KCNIP1: variants seen among roughly 807,000 people sequenced by gnomAD.
KCNIP1 encodes A-type potassium channel modulatory protein KCNIP1.
In KCNIP1, 18 loss-of-function variants were observed where a neutral mutation model predicts 33.0. That is an observed-to-expected ratio of 0.55 (90% CI 0.38 to 0.81). KCNIP1 has a LOEUF of 0.81. Ranked by LOEUF, KCNIP1 falls within the 30% of genes least tolerant of loss-of-function variation. The pLI is 0.00. For missense variants in KCNIP1, 238 were observed against 271.6 expected (o/e 0.88, Z 0.87); for synonymous variants, 93 against 98.3 (o/e 0.95, Z 0.32).
At chr5:170,545,422 T>C (rs1217114100) in intron 1 of KCNIP1, among the ~76,000 whole-genome samples, 1 of 152,226 alleles carries the variant, frequency 6.6e-6, no homozygotes, top group Non-Finnish European at 1.5e-5. Flanking sequence ...TCTCATCAAT[T>C]TTCGGAAACT....
chr5:170,465,476 C>T (rs533888057), intron 1 of KCNIP1, among the ~76,000 whole-genome samples: 20 of 152,248 alleles, frequency 1.3e-4, no homozygotes, highest in Middle Eastern at 3.4e-3. Flanking sequence ...CACTGGCCTC[C>T]GAAGCATTTG....
At chr5:170,652,524 A>G (rs940255817) in intron 1 of KCNIP1, among the ~76,000 whole-genome samples, 5 of 129,778 alleles carry the variant, frequency 3.9e-5, no homozygotes, top group Admixed American at 8.1e-5. Context: ...GAAGGAGAAA[A>G]GAAAAAAGAA....
chr5:170,430,299 C>T (rs1361465377), intron 1 of KCNIP1, among the ~76,000 whole-genome samples: 2 of 152,204 alleles, frequency 1.3e-5, no homozygotes, highest in African/African-American at 2.4e-5. Flanking sequence ...CATTTATGGT[C>T]GGGGCCACAT....
chr5:170,722,224 G>T (rs575490647), intron 4 of KCNIP1, among the ~76,000 whole-genome samples: 1 of 152,044 alleles, frequency 6.6e-6, no homozygotes, highest in Non-Finnish European at 1.5e-5. Flanking sequence ...AACCCTATAG[G>T]GTAGGGTTTT....
chr5:170,735,727 G>C lies in KCNIP1; in HGVS notation c.604-32G>C, dbSNP rs766744346. 2.5e-6 allele frequency: 4 copies of C among 1,605,174 alleles called. No individual in the cohort carries two copies. In the East Asian group the frequency reaches 6.7e-5, roughly 27 times the overall value. ...AGAGCTCTCAGGGAGGAGACTCAGAGTTCTAACCCTCTTGCCCTCCTTTTT... is the reference window on the plus strand; with the variant it reads ...AGAGCTCTCAGGGAGGAGACTCAGACTTCTAACCCTCTTGCCCTCCTTTTT... On this transcript the variant is annotated intron_variant, in intron 7 of 7. Transcript: ENST00000328939.
intron 1 of KCNIP1, among the ~76,000 whole-genome samples, chr5:170,640,258 C>T (rs573867295): frequency 2.0e-5 from 3 of 152,170 alleles, no homozygotes; most frequent in Non-Finnish European, 1.5e-5. Context: ...GGTCCCGTGG[C>T]TAGGAAGTGG....
At chr5:170,640,651 TAAG>T (rs1390421785) in intron 1 of KCNIP1, among the ~76,000 whole-genome samples, 2 of 152,094 alleles carry the variant, frequency 1.3e-5, no homozygotes, top group Non-Finnish European at 2.9e-5. Context: ...GGAGGGAACA[TAAG>T]GAGGGGTGGA....
intron 1 of KCNIP1, among the ~76,000 whole-genome samples, chr5:170,528,938 A>G (rs892382760): frequency 6.6e-6 from 1 of 152,196 alleles, no homozygotes; most frequent in Non-Finnish European, 1.5e-5. Flanking sequence ...GTGTTATTGC[A>G]TGGGAGACCA....
At chr5:170,615,169 C>A (rs1759319215) in intron 1 of KCNIP1, among the ~76,000 whole-genome samples, 1 of 152,148 alleles carries the variant, frequency 6.6e-6, no homozygotes, top group African/African-American at 2.4e-5. Flanking sequence ...GCGCCAAGAT[C>A]GCGCCACTGC....
At chr5:170,709,932 A>G (rs1763387861) in intron 1 of KCNIP1, among the ~76,000 whole-genome samples, 1 of 152,120 alleles carries the variant, frequency 6.6e-6, no homozygotes, top group South Asian at 2.1e-4. Flanking sequence ...CAGTAGCACA[A>G]TCTCGGCTCA....
chr5:170,667,830 G>A (rs1036745642), intron 1 of KCNIP1, among the ~76,000 whole-genome samples: 10 of 152,202 alleles, frequency 6.6e-5, no homozygotes, highest in African/African-American at 2.4e-4. Context: ...AATATTACTC[G>A]AGTTACTGTT....
intron 1 of KCNIP1, among the ~76,000 whole-genome samples, chr5:170,709,271 TTTA>T (rs1244755224): frequency 1.3e-5 from 2 of 152,208 alleles, no homozygotes; most frequent in Non-Finnish European, 2.9e-5. Flanking sequence ...TGACTGTGAA[TTTA>T]TTATTTTTCC....
At chr5:170,508,420 G>A (rs967178650) in intron 1 of KCNIP1, among the ~76,000 whole-genome samples, 1 of 152,200 alleles carries the variant, frequency 6.6e-6, no homozygotes, top group Non-Finnish European at 1.5e-5. Flanking sequence ...TATGGAAGCA[G>A]AGTGTACCTG....
At chr5:170,557,678 G>C (rs781730035) in intron 1 of KCNIP1, among the ~76,000 whole-genome samples, 33 of 152,162 alleles carry the variant, frequency 2.2e-4, no homozygotes, top group Admixed American at 1.1e-3. Flanking sequence ...TCTAGGCAGA[G>C]GAAGCAGTTT....
At chr5:170,380,378 T>C (rs577986285) in intron 1 of KCNIP1, among the ~76,000 whole-genome samples, 3 of 152,310 alleles carry the variant, frequency 2.0e-5, no homozygotes, top group Admixed American at 2.0e-4. Flanking sequence ...TTTGCCCTAG[T>C]GAAATCATGT....
chr5:170,412,895 C>A lies in KCNIP1; in HGVS notation c.88+58931C>A, dbSNP rs367970438. ...CTGTAGCCCCACCCCCTCATTTACA[C>A]CACACACCTGCCGCCCCAGGCACCC... is the stretch of plus-strand genomic sequence containing the variant. On this transcript the variant is annotated intron_variant, in intron 1 of 7. Coordinates refer to the KCNIP1 transcript ENST00000377360. 3.3e-5 allele frequency among the ~76,000 whole-genome samples: 5 copies of A among 152,158 alleles called. No homozygotes were observed. In the East Asian group the frequency reaches 5.8e-4, roughly 18 times the overall value.
intron 1 of KCNIP1, among the ~76,000 whole-genome samples, chr5:170,509,990 A>G (rs1754874760): frequency 6.6e-6 from 1 of 152,056 alleles, no homozygotes; most frequent in Non-Finnish European, 1.5e-5. Flanking sequence ...CCACTCATTT[A>G]TTTGTTCACT....
At chr5:170,437,999 T>G (rs750163529) in intron 1 of KCNIP1, among the ~76,000 whole-genome samples, 63 of 152,092 alleles carry the variant, frequency 4.1e-4, no homozygotes, top group South Asian at 1.2e-3. Flanking sequence ...CAGAGCCCCC[T>G]GTTTGCTCCC....
At chr5:170,438,895 G>A (rs1412763379) in intron 1 of KCNIP1, among the ~76,000 whole-genome samples, 2 of 152,160 alleles carry the variant, frequency 1.3e-5, no homozygotes, top group African/African-American at 4.8e-5. Flanking sequence ...GTACTCCTCT[G>A]TGCCTGGACA....
Sources: gnomAD v4.1 joint callset for allele counts (sites outside exome capture counted in the v4.1 genomes callset) on GRCh38, gnomAD v4.1.1 for gene constraint, MANE v1.5 for transcripts, NCBI Gene and HGNC (gene_info 2026-07-23, HGNC 2026-07-21) for gene names.